Variants in RNLS observed in about 807,000 individuals in gnomAD.
RNLS encodes renalase, FAD dependent amine oxidase.
RNLS carries 39 observed loss-of-function variants against 39.8 expected under a neutral mutation model. The ratio of observed to expected loss-of-function variants is 0.98; its 90% CI spans 0.76 to 1.28. The LOEUF (loss-of-function observed/expected upper bound fraction) is 1.28, where lower values mean the gene tolerates loss of function less well. Among genes scored for constraint, RNLS ranks in the 50% most tolerant of loss-of-function variants. The pLI is 0.00. For synonymous variants in RNLS, 147 were observed against 150.7 expected, an observed-to-expected ratio of 0.98 and a Z score of 0.18; for missense variants, 410 against 413.3, an observed-to-expected ratio of 0.99 and a Z score of 0.07.
the RNLS span, among the ~76,000 whole-genome samples, chr10:88,220,025 C>T: frequency 6.6e-6 from 1 of 152,170 alleles, no homozygotes; most frequent in Non-Finnish European, 1.5e-5. Context: ...TCCCTTCCCA[C>T]TGAACAAGCT....
At chr10:88,223,223 T>G in the RNLS span, among the ~76,000 whole-genome samples, 1 of 152,236 alleles carries the variant, frequency 6.6e-6, no homozygotes, top group African/African-American at 2.4e-5. Flanking sequence ...CCGGCAGTTT[T>G]TTCTAAACAC....
At chr10:88,335,867 C>A (rs1238943908) in intron 5 of RNLS, among the ~76,000 whole-genome samples, 1 of 152,116 alleles carries the variant, frequency 6.6e-6, no homozygotes, top group African/African-American at 2.4e-5. Context: ...GTGTTTTATT[C>A]TTTTACTATT....
chr10:88,582,990 CT>C, intron 1 of RNLS, 82 bp downstream of exon 1: 1 of 1,481,226 alleles, frequency 6.8e-7, no homozygotes, highest in Non-Finnish European at 9.1e-7. Context: ...TCGCCTTAGA[CT>C]TTCTTGGGTG....
At chr10:88,352,826 G>C (rs1439707698) in intron 5 of RNLS, among the ~76,000 whole-genome samples, 1 of 152,090 alleles carries the variant, frequency 6.6e-6, no homozygotes, top group Non-Finnish European at 1.5e-5. Flanking sequence ...AATCTGTCTG[G>C]TCCTCGACTT....
chr10:88,278,107 C>G (rs1284767758), intron 6 of RNLS, among the ~76,000 whole-genome samples: 1 of 152,116 alleles, frequency 6.6e-6, no homozygotes, highest in African/African-American at 2.4e-5. Context: ...AATGGGTTTC[C>G]TGCTTCTAGG....
At chr10:88,508,757 G>T (rs986237124) in intron 4 of RNLS, among the ~76,000 whole-genome samples, 7 of 151,956 alleles carry the variant, frequency 4.6e-5, no homozygotes, top group Admixed American at 4.6e-4. Flanking sequence ...ACTCCAGTTA[G>T]GAATGTCCCT....
chr10:88,324,411 G>A (rs955344676), intron 5 of RNLS, among the ~76,000 whole-genome samples: 71 of 119,922 alleles, frequency 5.9e-4, no homozygotes, highest in Middle Eastern at 4.3e-3. Flanking sequence ...CATAAAAAAC[G>A]AAATTGTGTC....
At chr10:88,318,937 T>A (rs1326575060) in intron 5 of RNLS, among the ~76,000 whole-genome samples, 3 of 152,190 alleles carry the variant, frequency 2.0e-5, no homozygotes, top group Non-Finnish European at 4.4e-5. Flanking sequence ...TCATCATCAA[T>A]CTACCTGTGG....
chr10:88,580,988 T>C (rs1484036524), intron 3 of RNLS, among the ~76,000 whole-genome samples: 1 of 152,134 alleles, frequency 6.6e-6, no homozygotes, highest in Non-Finnish European at 1.5e-5. Context: ...AATAAAGATA[T>C]GCTTCCAAAA....
At chr10:88,418,188 A>G (rs1387595841) in intron 4 of RNLS, among the ~76,000 whole-genome samples, 1 of 151,620 alleles carries the variant, frequency 6.6e-6, no homozygotes, top group African/African-American at 2.4e-5. Context: ...CTGCATGCCT[A>G]TATGTGCTAA....
chr10:88,410,714 C>T (rs1308754213), intron 4 of RNLS, among the ~76,000 whole-genome samples: 2 of 151,894 alleles, frequency 1.3e-5, no homozygotes, highest in African/African-American at 4.8e-5. Context: ...GAGCAAATTA[C>T]TTAACCCAAG....
chr10:88,315,476 G>A (rs1253431950), intron 5 of RNLS, among the ~76,000 whole-genome samples: 1 of 152,182 alleles, frequency 6.6e-6, no homozygotes, highest in East Asian at 1.9e-4. Flanking sequence ...AGAGAAAGCT[G>A]AGGGGAAAAC....
intron 4 of RNLS, among the ~76,000 whole-genome samples, chr10:88,478,412 T>C (rs1170304615): frequency 1.3e-5 from 2 of 152,186 alleles, no homozygotes; most frequent in East Asian, 1.9e-4. Flanking sequence ...TCAGGGCCAA[T>C]TGCTAATTTT....
intron 4 of RNLS, among the ~76,000 whole-genome samples, chr10:88,420,981 CT>C (rs1564786647): frequency 6.6e-6 from 1 of 152,346 alleles, no homozygotes; most frequent in East Asian, 1.9e-4. Context: ...CAGGCAAGCC[CT>C]TGCATGTGGT....
At chr10:88,444,196 T>C (rs1020405781) in intron 4 of RNLS, among the ~76,000 whole-genome samples, 1 of 152,210 alleles carries the variant, frequency 6.6e-6, no homozygotes, top group South Asian at 2.1e-4. Flanking sequence ...CTGCTGCTGA[T>C]ACCTAGGCAA....
chr10:88,583,205 G>C lies in RNLS; in HGVS notation c.-15C>G. 6.2e-7 allele frequency: 1 copy of C among 1,613,380 alleles called. No individual in the cohort carries two copies. The highest frequency in any genetic ancestry group is 8.5e-7 in the Non-Finnish European group (1 of 1,179,804). ...ACCTGCGCCATGGCGAGAGGGAGCA[G>C]CGATCCGCGCTGAGTCTCTGCGGCG... is the stretch of plus-strand genomic sequence containing the variant. On this transcript the variant is annotated 5_prime_UTR_variant, in exon 1 of 7. Coordinates refer to ENST00000331772, the MANE Select transcript of RNLS (RefSeq NM_001031709.3).
At chr10:88,581,274 A>G (rs1850520635) in intron 3 of RNLS, among the ~76,000 whole-genome samples, 1 of 136,074 alleles carries the variant, frequency 7.3e-6, no homozygotes. Flanking sequence ...AAAGAAATAT[A>G]TATGTATGTG....
chr10:88,266,694 TACACACACACACACACACACACAC>T, the RNLS span, among the ~76,000 whole-genome samples: 2 of 134,118 alleles, frequency 1.5e-5, no homozygotes, highest in Non-Finnish European at 3.2e-5. Context: ...TTCTTTTAAA[TACACACACACACACACACACACAC>T]ACACACACAC....
At chr10:88,191,651 A>C in the RNLS span, among the ~76,000 whole-genome samples, 8 of 152,350 alleles carry the variant, frequency 5.3e-5, no homozygotes, top group Admixed American at 2.0e-4. Flanking sequence ...TGCTAGCTCC[A>C]TTGTCAAGAG....
Sources: gnomAD v4.1 joint callset for allele counts (sites outside exome capture counted in the v4.1 genomes callset) on GRCh38, gnomAD v4.1.1 for gene constraint, MANE v1.5 for transcripts, NCBI Gene and HGNC (gene_info 2026-07-23, HGNC 2026-07-21) for gene names.